The following MED12L variants were observed in gnomAD, a reference collection of about 807,000 sequenced individuals.
MED12L encodes mediator of RNA polymerase II transcription subunit 12-like protein.
A neutral mutation model predicts 281.3 loss-of-function variants in MED12L; 60 were observed. The ratio of observed to expected loss-of-function variants is 0.21; its 90% CI spans 0.17 to 0.26. The LOEUF is 0.26. MED12L is among the 10% of genes least tolerant of loss of function. The pLI is 1.00. For missense variants in MED12L, 2,146 were observed against 2,680.9 expected (o/e 0.80, Z 4.41); for synonymous variants, 974 against 987.2 (o/e 0.99, Z 0.25).
At chr3:151,109,508 CAA>C (rs1171866721) in intron 2 of MED12L, among the ~76,000 whole-genome samples, 1 of 152,188 alleles carries the variant, frequency 6.6e-6, no homozygotes, top group East Asian at 1.9e-4. Context: ...AAACCAATGA[CAA>C]GAGGTGTGAG....
At chr3:151,105,698 G>T (rs1721929809) in intron 2 of MED12L, among the ~76,000 whole-genome samples, 1 of 152,026 alleles carries the variant, frequency 6.6e-6, no homozygotes, top group African/African-American at 2.4e-5. Context: ...CTTCTCTCTA[G>T]GTGATCCCAG....
chr3:151,179,456 A>T (rs1722459578), intron 11 of MED12L, among the ~76,000 whole-genome samples: 1 of 152,168 alleles, frequency 6.6e-6, no homozygotes, highest in South Asian at 2.1e-4. Flanking sequence ...TACCTGATGG[A>T]GTGAATTTTG....
chr3:151,214,079 C>T, intron 16 of MED12L: 2 of 1,614,106 alleles, frequency 1.2e-6, no homozygotes, highest in African/African-American at 1.3e-5. Context: ...CCTGAGTCAC[C>T]AAGGATCTTG....
chr3:151,412,705 C>T (rs1717095631), intron 41 of MED12L, among the ~76,000 whole-genome samples: 1 of 152,168 alleles, frequency 6.6e-6, no homozygotes, highest in South Asian at 2.1e-4. Flanking sequence ...GTTCAAATCC[C>T]ACCTGTGCCA....
chr3:151,141,350 T>TGAAA (rs1208481177), intron 5 of MED12L, among the ~76,000 whole-genome samples: 1 of 152,018 alleles, frequency 6.6e-6, no homozygotes, highest in Non-Finnish European at 1.5e-5. Flanking sequence ...AGAAATGCAT[T>TGAAA]GAAAGAAATT....
chr3:151,213,768 C>T, intron 16 of MED12L: 3 of 1,614,082 alleles, frequency 1.9e-6, no homozygotes, highest in South Asian at 2.2e-5. Context: ...ATGCTTTGTG[C>T]CACTTCCGTC....
At chr3:151,126,744 T>C (rs1056852791) in intron 4 of MED12L, among the ~76,000 whole-genome samples, 1 of 152,230 alleles carries the variant, frequency 6.6e-6, no homozygotes, top group African/African-American at 2.4e-5. Flanking sequence ...GAAAGCACTT[T>C]GGTTGGCATG....
At chr3:151,343,373 A>G (rs1328626385) in intron 16 of MED12L, among the ~76,000 whole-genome samples, 1 of 152,212 alleles carries the variant, frequency 6.6e-6, no homozygotes, top group Non-Finnish European at 1.5e-5. Flanking sequence ...TTTGAGGGAT[A>G]AAAGAAGGGC....
chr3:151,158,739 A>C lies in MED12L; in HGVS notation c.777A>C (p.Leu259Phe), dbSNP rs1719608746. Reference protein sequence around the residue: ...HEYLTWILDVLEKIRPMDDDL... With the variant: ...HEYLTWILDVFEKIRPMDDDL... The stretch of plus-strand genomic sequence containing the variant: ...ATTTGACATGGATCCTGGATGTTTT[A>C]GAAAAGATCAGACCAATGGATGATG... Residue 259 changes from leucine (L) to phenylalanine (F), a missense_variant, in exon 7 of 45, where the codon TTA becomes TTC. By Grantham distance (22) the Leu-to-Phe change is conservative. Around this residue, in one of 9 missense-constraint regions of MED12L, gnomAD observed 722 missense variants for 861.2 expected, o/e 0.84. Transcript: ENST00000687756. 2 of 1,613,308 alleles carry C rather than the reference A, an allele frequency of 1.2e-6. No individual in the cohort carries two copies. Among genetic ancestry groups the C allele is most frequent in the African/African-American group, 2.7e-5 (2 of 74,912 alleles).
intron 36 of MED12L, among the ~76,000 whole-genome samples, chr3:151,387,595 T>C (rs1299434778): frequency 6.6e-6 from 1 of 152,162 alleles, no homozygotes; most frequent in Non-Finnish European, 1.5e-5. Flanking sequence ...CAGAGCATCA[T>C]GTGGTTAAAG....
At chr3:151,269,687 A>G (rs569759139) in intron 16 of MED12L, 2 of 418,198 alleles carry the variant, frequency 4.8e-6, no homozygotes, top group Middle Eastern at 8.9e-4. Context: ...AGGTTACAGA[A>G]AGATTTTTAT....
rs184308213 is a variant in MED12L, at chr3:151,367,588, C to T, written c.3328-58C>T. The T allele has an allele frequency of 3.3e-6, 5 of 1,495,762 alleles. No individual in the cohort carries two copies. In the East Asian group the frequency reaches 1.2e-4, roughly 36 times the overall value. 92.7% of individuals were successfully genotyped at this position (1,495,762 alleles called of 1,614,324 possible). On this transcript the variant is annotated intron_variant, in intron 23 of 44. Coordinates refer to ENST00000687756, the MANE Select transcript of MED12L (RefSeq NM_001393769.1). ...TGCCTGCATTCTCTTAGTTATTAAT[C>T]TTAGATACTGCTTACAAGGTTGTTA...
At chr3:151,349,114 A>G (rs1752920581) in intron 16 of MED12L, among the ~76,000 whole-genome samples, 1 of 152,252 alleles carries the variant, frequency 6.6e-6, no homozygotes, top group East Asian at 1.9e-4. Flanking sequence ...AAGATCCAAG[A>G]GAGAAATTGC....
Position 151,376,155 on chromosome 3 carries a change from A to G in MED12L, c.3994A>G (p.Ile1332Val), listed in dbSNP as rs1756824560. ...GCAGCTTATCTGTTATCCTCATGGC[A>G]TTAAAGAATGTACCGAGGGGGACAA... ...LLQLICYPHG[I>V]KECTEGDNLQ... The change falls in exon 28 of 45, where the codon ATT (isoleucine) becomes GTT (valine). Residue 1332 changes from isoleucine to valine, a missense_variant. Around this residue, in one of 9 missense-constraint regions of MED12L, gnomAD observed 235 missense variants for 260.3 expected, o/e 0.90. Transcript: ENST00000687756. 2 of 1,609,566 alleles carry G rather than the reference A, an allele frequency of 1.2e-6. No homozygotes were observed. The highest frequency in any genetic ancestry group is 1.7e-6 in the Non-Finnish European group (2 of 1,178,450).
intron 16 of MED12L, among the ~76,000 whole-genome samples, chr3:151,268,683 A>C (rs1740296031): frequency 1.3e-5 from 2 of 152,168 alleles, no homozygotes. Context: ...AGCTTTGAAA[A>C]CACATTTCTT....
intron 43 of MED12L, among the ~76,000 whole-genome samples, chr3:151,424,790 A>C (rs1423996796): frequency 6.6e-6 from 1 of 152,142 alleles, no homozygotes; most frequent in Non-Finnish European, 1.5e-5. Flanking sequence ...TGCATGCACA[A>C]CCCTATACGT....
chr3:151,229,151 G>A (rs2149312637), intron 16 of MED12L, among the ~76,000 whole-genome samples: 1 of 152,302 alleles, frequency 6.6e-6, no homozygotes, highest in Admixed American at 6.5e-5. Flanking sequence ...AGAATTTTAA[G>A]TGGGAGTAGA....
At chr3:151,136,003 C>T (rs764391859) in intron 5 of MED12L, among the ~76,000 whole-genome samples, 11 of 152,256 alleles carry the variant, frequency 7.2e-5, no homozygotes, top group East Asian at 1.9e-4. Context: ...TAAAATGCTT[C>T]GTGGTTAAAC....
At chr3:151,108,794 A>G (rs189099911) in intron 2 of MED12L, among the ~76,000 whole-genome samples, 3 of 152,262 alleles carry the variant, frequency 2.0e-5, no homozygotes, top group Admixed American at 6.5e-5. Context: ...GAGTGTCTGT[A>G]GTATGTATTT....
Sources: allele counts gnomAD v4.1 joint callset (sites outside exome capture counted in the v4.1 genomes callset), GRCh38; gene constraint gnomAD v4.1.1; regional missense constraint gnomAD v4.1.1; transcripts MANE v1.5; gene names NCBI Gene and HGNC (gene_info 2026-07-23, HGNC 2026-07-21).